The following KIF20B variants were observed in gnomAD, a reference collection of about 807,000 sequenced individuals.
The protein encoded by KIF20B is kinesin-like protein KIF20B.
In KIF20B, 188 loss-of-function variants were observed where a neutral mutation model predicts 232.5. That is an observed-to-expected ratio of 0.81 (90% confidence interval 0.72 to 0.91). The LOEUF (loss-of-function observed/expected upper bound fraction) is 0.91, where lower values mean the gene tolerates loss of function less well. Among genes scored for constraint, KIF20B ranks in the 40% least tolerant of loss-of-function variants. The probability of loss-of-function intolerance (pLI) is 0.00; values close to 1 mark genes in which losing one functional copy is unlikely to be tolerated. For missense variants in KIF20B, 2,154 were observed against 2,055.9 expected (o/e 1.05, Z -0.92); for synonymous variants, 712 against 683.0 (o/e 1.04, Z -0.66).
intron 31 of KIF20B, 118 bp from the exon 32 acceptor site, chr10:89,772,571 T>C (rs1842485833): frequency 3.4e-6 from 2 of 593,796 alleles, no homozygotes; most frequent in Non-Finnish European, 5.8e-6. Context: ...TGCAGTGTTT[T>C]TAGTTTGTGT....
intron 7 of KIF20B, among the ~76,000 whole-genome samples, chr10:89,714,459 A>AGTTTT (rs1842897325): frequency 2.0e-5 from 3 of 152,214 alleles, no homozygotes; most frequent in African/African-American, 7.2e-5. Context: ...GCCTGACAAC[A>AGTTTT]GAGTGAAACT....
At chr10:89,725,332 A>T (rs529585654) in intron 15 of KIF20B, among the ~76,000 whole-genome samples, 174 bp downstream of exon 15, 3 of 151,994 alleles carry the variant, frequency 2.0e-5, no homozygotes, top group African/African-American at 7.2e-5. Flanking sequence ...AAGAATTTAA[A>T]TATAATGATT....
At chr10:89,752,910 TGATTGG>T (rs1842049604) in intron 25 of KIF20B, among the ~76,000 whole-genome samples, 1 of 152,056 alleles carries the variant, frequency 6.6e-6, no homozygotes, top group African/African-American at 2.4e-5. Context: ...TGAAATATAG[TGATTGG>T]GTCCTTAGTT....
rs902548329 is a variant in KIF20B at position 89,726,216 on chromosome 10, G to C, written c.2002-77G>C. On this transcript the variant is annotated intron_variant, in intron 15 of 32. Transcript: ENST00000371728. Reference sequence around the variant, plus strand: ...TGAATTTTTTGCTTTTTTAAAAACTGTCTAAATTAGATGGTACCACATGTA... The same window carrying C: ...TGAATTTTTTGCTTTTTTAAAAACTCTCTAAATTAGATGGTACCACATGTA... 3 of 1,347,428 alleles carry C rather than the reference G, an allele frequency of 2.2e-6. No homozygotes were observed. In the South Asian group the frequency reaches 6.7e-5, roughly 30 times the overall value. 83.5% of individuals were successfully genotyped at this position (1,347,428 alleles called of 1,614,324 possible).
chr10:89,769,990 A>G (rs144468314), intron 31 of KIF20B, among the ~76,000 whole-genome samples: 1 of 152,138 alleles, frequency 6.6e-6, no homozygotes, highest in African/African-American at 2.4e-5. Context: ...GACGTTTCCA[A>G]ACTTTGTTGG....
At chr10:89,764,680 TG>T (rs1295319584) in intron 29 of KIF20B, among the ~76,000 whole-genome samples, 49 of 151,794 alleles carry the variant, frequency 3.2e-4, no homozygotes, top group African/African-American at 1.1e-3. Context: ...GTTTTTTGGC[TG>T]CATAAATGTC....
intron 28 of KIF20B, among the ~76,000 whole-genome samples, chr10:89,761,946 G>A (rs1448601223): frequency 6.6e-6 from 1 of 152,134 alleles, no homozygotes; most frequent in Non-Finnish European, 1.5e-5. Context: ...TTGCCTTCAT[G>A]TAATCGATAT....
intron 27 of KIF20B, 131 bp downstream of exon 27, chr10:89,759,013 T>C: frequency 2.1e-6 from 1 of 482,052 alleles, no homozygotes. Flanking sequence ...ATGTGGAAAT[T>C]TTTCATGATT....
chr10:89,720,133 A>C (rs1021015970), intron 13 of KIF20B, among the ~76,000 whole-genome samples: 9 of 152,150 alleles, frequency 5.9e-5, no homozygotes, highest in Non-Finnish European at 1.3e-4. Flanking sequence ...CAGTGTTCCA[A>C]ATATGTTCTT....
In KIF20B at chr10:89,774,818, C is replaced by T. The variant is rs1007989228; in HGVS notation, c.*770C>T. 2.0e-5 allele frequency: 3 copies of T among 152,098 alleles called. No homozygotes were observed. The highest frequency in any genetic ancestry group is 1.9e-4 in the East Asian group (1 of 5,188). 9.4% of individuals were successfully genotyped at this position (152,098 alleles called of 1,614,324 possible). A position where few individuals can be genotyped will look rare whatever the true frequency, so the allele number is the denominator to read the frequency against. On this transcript the variant is annotated 3_prime_UTR_variant, in exon 33 of 33. Transcript: ENST00000371728. ...TTTTTGTACCCATTAACCATCCCCA[C>T]CTCCCCCTGCAACCGTCAGTACCCT...
chr10:89,734,467 A>G (rs1432435170), intron 19 of KIF20B, among the ~76,000 whole-genome samples: 3 of 152,110 alleles, frequency 2.0e-5, no homozygotes, highest in Non-Finnish European at 4.4e-5. Context: ...GAGAACAAAC[A>G]ATCACATAAG....
At chr10:89,728,208 T>G (rs1443365674) in intron 17 of KIF20B, among the ~76,000 whole-genome samples, 2 of 152,230 alleles carry the variant, frequency 1.3e-5, no homozygotes, top group African/African-American at 2.4e-5. Context: ...TTACACCTAC[T>G]GTTTATACAA....
In KIF20B at chr10:89,704,142, A is replaced by G. The variant is rs142436541; in HGVS notation, c.-1-1152A>G. 2.6e-3 allele frequency among the ~76,000 whole-genome samples: 402 copies of G among 152,270 alleles called. 1 individual carries two copies. The highest frequency in any genetic ancestry group is 4.8e-3 in the Non-Finnish European group (325 of 68,016). ...CCCTACCAGCTGTGAAGAAGTTTAC[A>G]CTGTAGAGCTATTATGCAAGGGCCA... On this transcript the variant is annotated intron_variant, in intron 1 of 32. Coordinates refer to ENST00000371728, the MANE Select transcript of KIF20B (RefSeq NM_001284259.2).
intron 1 of KIF20B, among the ~76,000 whole-genome samples, chr10:89,703,611 T>C (rs1842657882): frequency 6.6e-6 from 1 of 152,146 alleles, no homozygotes; most frequent in East Asian, 1.9e-4. Context: ...CCGGGTTTTA[T>C]GTGTCTGGCA....
In KIF20B at chr10:89,715,084, A is replaced by C; in HGVS notation, c.842A>C (p.Glu281Ala). ...GTTTCTTTCTTTGAAATTTACAATG[A>C]ATATATTTATGACTTATTTGTTCCT... is the stretch of plus-strand genomic sequence containing the variant. ...VWVSFFEIYN[E>A]YIYDLFVPVS... Residue 281 changes from glutamate (E) to alanine (A), a missense_variant, in exon 8 of 33, where the codon GAA (glutamate) becomes GCA (alanine). Transcript: ENST00000371728. 1 of 1,607,424 alleles carries C rather than the reference A, an allele frequency of 6.2e-7. No homozygotes were observed.
chr10:89,766,945 A>G (rs1271702600), intron 29 of KIF20B, among the ~76,000 whole-genome samples: 1 of 151,866 alleles, frequency 6.6e-6, no homozygotes, highest in Non-Finnish European at 1.5e-5. Flanking sequence ...GAAGAAGGAA[A>G]CACCGAGTGT....
intron 26 of KIF20B, among the ~76,000 whole-genome samples, chr10:89,757,398 G>A (rs891729298): frequency 1.3e-5 from 2 of 151,698 alleles, no homozygotes; most frequent in Admixed American, 1.3e-4. Flanking sequence ...TTTGTAATGT[G>A]TTGCAAGTAC....
In KIF20B at chr10:89,774,668, C is replaced by G. The variant is rs1382624823; in HGVS notation, c.*620C>G. On this transcript the variant is annotated 3_prime_UTR_variant, in exon 33 of 33. Transcript: ENST00000371728. ...GGTATCCATCCCCTCAAGCATTTTT[C>G]CTTTGAATTACAGATAATCCAATTA... The G allele has an allele frequency of 6.6e-6, 1 of 151,888 alleles. No individual in the cohort carries two copies. Among genetic ancestry groups the G allele is most frequent in the African/African-American group, 2.4e-5 (1 of 41,386 alleles). The allele number at this position is 151,888 out of a possible 1,614,324, so 9.4% of individuals were successfully genotyped here.
chr10:89,751,410 T>C lies in KIF20B; in HGVS notation c.4161T>C (p.Thr1387=). 1 of 1,609,290 alleles carries C rather than the reference T, an allele frequency of 6.2e-7. No homozygotes were observed. The highest frequency in any genetic ancestry group is 8.5e-7 in the Non-Finnish European group (1 of 1,177,698). Residue 1387 remains threonine (T), a synonymous_variant, in exon 24 of 33, where the codon ACT becomes ACC. Transcript: ENST00000371728. The part of the protein sequence containing the change: ...MRMTLEEQEQ[T]QVEQDQVLEA... ...TGACACTAGAAGAACAGGAACAAAC[T>C]CAGGTAGAACAGGATCAAGTGCTTG...
Sources: gnomAD v4.1 joint callset for allele counts (sites outside exome capture counted in the v4.1 genomes callset) on GRCh38, gnomAD v4.1.1 for gene constraint, MANE v1.5 for transcripts, NCBI Gene and HGNC (gene_info 2026-07-23, HGNC 2026-07-21) for gene names.